ITPKB: variants seen among roughly 807,000 people sequenced by gnomAD.
ITPKB encodes inositol-trisphosphate 3-kinase B, also known as IP3 3-kinase B.
Under a neutral mutation model 69.4 loss-of-function variants are expected in ITPKB, and 13 were observed. The ratio of observed to expected loss-of-function variants is 0.19; its 90% CI spans 0.12 to 0.30. The LOEUF (loss-of-function observed/expected upper bound fraction) is 0.30, where lower values mean the gene tolerates loss of function less well. ITPKB is among the 10% of genes least tolerant of loss of function. ITPKB has a pLI of 1.00. For synonymous variants in ITPKB, 584 were observed against 513.7 expected (o/e 1.14, Z -1.85); for missense variants, 1,240 against 1,250.5 (o/e 0.99, Z 0.13).
At chr1:226,721,583 C>T (rs1657245042) in intron 2 of ITPKB, among the ~76,000 whole-genome samples, 1 of 151,670 alleles carries the variant, frequency 6.6e-6, no homozygotes, top group Non-Finnish European at 1.5e-5. Flanking sequence ...GCAACCTCTG[C>T]CTCCCAGGTT....
At chr1:226,671,668 C>T (rs1014505452) in intron 2 of ITPKB, among the ~76,000 whole-genome samples, 8 of 152,038 alleles carry the variant, frequency 5.3e-5, no homozygotes, top group Non-Finnish European at 1.0e-4. Context: ...CCCAGGGAGG[C>T]GGGGAGAGGG....
In ITPKB at chr1:226,737,060, G is replaced by A. The variant is rs745950428; in HGVS notation, c.399C>T (p.Ile133=). Residue 133 remains isoleucine (I), a synonymous_variant, in exon 2 of 8, where the codon ATC becomes ATT. Transcript: ENST00000429204. ...GCACGTTCTGCAACTCGCGCTGCAAGATCCGCAGCTTCCTCTTGGCCTCCT... is the reference window on the plus strand; with the variant it reads ...GCACGTTCTGCAACTCGCGCTGCAAAATCCGCAGCTTCCTCTTGGCCTCCT... The part of the protein sequence containing the change: ...GPEEAKRKLR[I]LQRELQNVQV... The A allele has an allele frequency of 3.2e-5, 52 of 1,611,546 alleles. 1 individual carries two copies. Among genetic ancestry groups the A allele is most frequent in the Admixed American group, 5.0e-5 (3 of 60,010 alleles).
intron 2 of ITPKB, among the ~76,000 whole-genome samples, chr1:226,714,677 A>G (rs528403984): frequency 1.3e-5 from 2 of 152,156 alleles, no homozygotes. Flanking sequence ...TTCAACTCCA[A>G]TGGCACCATA....
rs1245695071 is a variant in ITPKB, at chr1:226,641,889, G to A, written c.2451+32C>T. 1.3e-6 allele frequency: 2 copies of A among 1,593,308 alleles called. No homozygotes were observed. Among genetic ancestry groups the A allele is most frequent in the South Asian group, 1.1e-5 (1 of 89,690 alleles). On this transcript the variant is annotated intron_variant, in intron 5 of 7. Transcript: ENST00000429204. This position sits in a 1 kb window ranked among gnomAD's most constrained non-coding sequence, Gnocchi z 4.6. ...AGCCCCCTGAGGTGGGCACGGGTGGGGCCCGAGGCTGCCCTCACTCGCCGG... is the reference window on the plus strand; with the variant it reads ...AGCCCCCTGAGGTGGGCACGGGTGGAGCCCGAGGCTGCCCTCACTCGCCGG...
chr1:226,732,102 CA>C (rs532778037), intron 2 of ITPKB, among the ~76,000 whole-genome samples: 23,945 of 76,232 alleles, frequency 0.31, 2,354 homozygotes, highest in East Asian at 0.41. Flanking sequence ...TAGTCAACAT[CA>C]AAAAAAAAAA....
intron 6 of ITPKB, among the ~76,000 whole-genome samples, chr1:226,639,125 T>G (rs1668899052): frequency 6.8e-6 from 1 of 147,698 alleles, no homozygotes; most frequent in African/African-American, 2.5e-5. Flanking sequence ...TGGCAAAATC[T>G]CAGCTCACTG....
Position 226,646,767 on chromosome 1 carries a change from C to G in ITPKB, c.2246+400G>C, listed in dbSNP as rs36107394. 5.9e-3 allele frequency among the ~76,000 whole-genome samples: 906 copies of G among 152,308 alleles called. 3 individuals are homozygous for G. The highest frequency in any genetic ancestry group is 0.011 in the Non-Finnish European group (737 of 68,006). On this transcript the variant is annotated intron_variant, in intron 4 of 7. Transcript: ENST00000429204. ...GAAATGGAAAGACCTCGATTCCCATCTCCCCTGCAGCTCACACAGCAGGAA... is the reference window on the plus strand; with the variant it reads ...GAAATGGAAAGACCTCGATTCCCATGTCCCCTGCAGCTCACACAGCAGGAA...
intron 2 of ITPKB, among the ~76,000 whole-genome samples, chr1:226,661,399 G>A (rs1292800477): frequency 1.3e-5 from 2 of 152,206 alleles, no homozygotes; most frequent in East Asian, 3.8e-4. Context: ...TCACAGATGG[G>A]AACACTGAGG....
intron 2 of ITPKB, among the ~76,000 whole-genome samples, chr1:226,702,545 A>G (rs1656694314): frequency 6.6e-6 from 1 of 152,342 alleles, no homozygotes; most frequent in East Asian, 1.9e-4. Flanking sequence ...GGCAGGCAAC[A>G]ACTGGCACTA....
At chr1:226,661,125 G>A (rs1290772065) in intron 2 of ITPKB, among the ~76,000 whole-genome samples, 1 of 152,218 alleles carries the variant, frequency 6.6e-6, no homozygotes, top group South Asian at 2.1e-4. Flanking sequence ...CCAGCCAGGG[G>A]ACTCAGCCCC....
chr1:226,712,783 A>G (rs553985469), intron 2 of ITPKB, among the ~76,000 whole-genome samples: 1 of 152,328 alleles, frequency 6.6e-6, no homozygotes, highest in South Asian at 2.1e-4. Flanking sequence ...AACAATACAG[A>G]TTGCAGGTGT....
chr1:226,711,442 A>AGAGAGAGT (rs1491474441), intron 2 of ITPKB, among the ~76,000 whole-genome samples: 61 of 102,348 alleles, frequency 6.0e-4, no homozygotes, highest in African/African-American at 2.1e-3. Flanking sequence ...AGAGAGAGAG[A>AGAGAGAGT]GTGTGTGTGT....
intron 2 of ITPKB, among the ~76,000 whole-genome samples, chr1:226,660,762 AG>A (rs949643163): frequency 2.0e-4 from 30 of 152,296 alleles, no homozygotes; most frequent in African/African-American, 7.0e-4. Flanking sequence ...GAGTGGCCAA[AG>A]GGGCTGGGGA....
At chr1:226,667,124 C>T (rs1213480876) in intron 2 of ITPKB, among the ~76,000 whole-genome samples, 1 of 152,198 alleles carries the variant, frequency 6.6e-6, no homozygotes, top group Non-Finnish European at 1.5e-5. Flanking sequence ...AGGCTAATCG[C>T]TTCTCCCCTA....
intron 2 of ITPKB, among the ~76,000 whole-genome samples, chr1:226,719,522 G>A (rs758433534): frequency 5.3e-5 from 8 of 152,178 alleles, no homozygotes; most frequent in Non-Finnish European, 8.8e-5. Flanking sequence ...CCTATTGAAA[G>A]CCTGGGCATT....
chr1:226,734,485 AC>A (rs1320166061), intron 2 of ITPKB, among the ~76,000 whole-genome samples: 1 of 152,214 alleles, frequency 6.6e-6, no homozygotes. Flanking sequence ...TCGGAAGGCT[AC>A]CTACTATAAT....
Position 226,647,151 on chromosome 1 carries a change from G to C in ITPKB, c.2246+16C>G. 6.2e-7 allele frequency: 1 copy of C among 1,612,014 alleles called. No individual in the cohort carries two copies. Among genetic ancestry groups the C allele is most frequent in the Non-Finnish European group, 8.5e-7 (1 of 1,178,224 alleles). ...GCACTGAGGCAGGCATGTGGGCTGC[G>C]AGAAGCCTGGCTCACCTGATTCCCA... On this transcript the variant is annotated intron_variant, in intron 4 of 7. Transcript: ENST00000429204.
intron 2 of ITPKB, among the ~76,000 whole-genome samples, chr1:226,721,356 A>T (rs1657236991): frequency 6.6e-6 from 1 of 151,402 alleles, no homozygotes; most frequent in Non-Finnish European, 1.5e-5. Flanking sequence ...CTCAAAAAAA[A>T]AAAAAAAAAA....
At chr1:226,653,094 G>T (rs2102750110) in intron 2 of ITPKB, among the ~76,000 whole-genome samples, 1 of 152,332 alleles carries the variant, frequency 6.6e-6, no homozygotes, top group South Asian at 2.1e-4. Flanking sequence ...CTCGCTATGT[G>T]ACAGGCCCGG....
Sources: gnomAD v4.1 joint callset for allele counts (sites outside exome capture counted in the v4.1 genomes callset) on GRCh38, gnomAD v4.1.1 for gene constraint, Gnocchi (gnomAD v3.1) non-coding constraint, MANE v1.5 for transcripts, NCBI Gene and HGNC (gene_info 2026-07-23, HGNC 2026-07-21) for gene names.